The following IQCM variants were observed in gnomAD, a reference collection of about 807,000 sequenced individuals.
IQCM encodes the protein IQ motif containing M.
IQCM carries 45 observed loss-of-function variants against 57.6 expected under a neutral mutation model. The observed-to-expected ratio is 0.78, with a 90% confidence interval of 0.62 to 1.00. IQCM has a LOEUF of 1.00. IQCM is among the 50% of genes least tolerant of loss of function. The pLI is 0.00. For missense variants in IQCM, 468 were observed against 511.6 expected, an observed-to-expected ratio of 0.91 and a Z score of 0.82; for synonymous variants, 148 against 158.9, an observed-to-expected ratio of 0.93 and a Z score of 0.51.
At chr4:149,496,761 A>C (rs1032531709) in intron 12 of IQCM, among the ~76,000 whole-genome samples, 2 of 152,156 alleles carry the variant, frequency 1.3e-5, no homozygotes, top group African/African-American at 4.8e-5. Flanking sequence ...CATCAATAAG[A>C]AGCTAATAAA....
rs1022994554 is a variant in IQCM at position 149,594,001 on chromosome 4, T to G, written c.682-6004A>C. ...TGAGTTAGGGAGGATTCCCTCTTTT[T>G]CTATTGATTGGAATCGTTTCAGAAG... On this transcript the variant is annotated intron_variant, in intron 8 of 13. Transcript: ENST00000636793. Among the ~76,000 whole-genome samples, 8 of 152,214 alleles carry G rather than the reference T, an allele frequency of 5.3e-5. 1 individual carries two copies. Among genetic ancestry groups the G allele is most frequent in the Non-Finnish European group, 7.3e-5 (5 of 68,048 alleles).
intron 8 of IQCM, among the ~76,000 whole-genome samples, chr4:149,602,710 TTAA>T (rs1214349233): frequency 6.6e-6 from 1 of 152,100 alleles, no homozygotes. Context: ...TTTAAATAAC[TTAA>T]TAAAGTTAAT....
At chr4:149,812,675 C>T (rs951317451) in intron 2 of IQCM, among the ~76,000 whole-genome samples, 6 of 152,042 alleles carry the variant, frequency 3.9e-5, no homozygotes, top group South Asian at 2.1e-4. Flanking sequence ...TTAGGTTTGA[C>T]GTGATTAGGA....
rs1319803974 is a variant in IQCM at position 149,442,947 on chromosome 4, CACACACAGAGAG to C, written c.1229-9402_1229-9391del. The stretch of plus-strand genomic sequence containing the variant: ...CAATACACACACACACACACACACA[CACACACAGAGAG>C]AGAGAGAGAGAGAGAGAGAGAGAGA... On this transcript the variant is annotated intron_variant, in intron 12 of 13. Coordinates refer to ENST00000636793, the MANE Select transcript of IQCM (RefSeq NM_001363507.2). Among the ~76,000 whole-genome samples the C allele has an allele frequency of 3.4e-4, 18 of 52,572 alleles. No individual in the cohort carries two copies. The South Asian group carries it at 3.5e-3, about 10-fold the overall frequency. 34.5% of individuals were successfully genotyped at this position (52,572 alleles called of 152,430 possible).
intron 5 of IQCM, among the ~76,000 whole-genome samples, chr4:149,694,964 T>G (rs930195859): frequency 6.6e-6 from 1 of 152,236 alleles, no homozygotes; most frequent in Admixed American, 6.5e-5. Flanking sequence ...TAATTTCATA[T>G]GAATTATAAT....
intron 7 of IQCM, among the ~76,000 whole-genome samples, chr4:149,671,849 G>T (rs1761316486): frequency 1.3e-5 from 2 of 152,138 alleles, no homozygotes; most frequent in African/African-American, 2.4e-5. Flanking sequence ...GAGACAGTTT[G>T]TTATAATTTC....
At chr4:149,565,204 C>T (rs1313272529) in intron 9 of IQCM, among the ~76,000 whole-genome samples, 4 of 152,222 alleles carry the variant, frequency 2.6e-5, no homozygotes, top group Admixed American at 2.6e-4. Context: ...GAATCCCAGA[C>T]CCAAGTTTCT....
At chr4:149,548,311 A>G in intron 12 of IQCM, 144 bp downstream of exon 12, 1 of 567,918 alleles carries the variant, frequency 1.8e-6, no homozygotes, top group Non-Finnish European at 2.6e-6. Flanking sequence ...AAGAAATTTG[A>G]GGGAAAGCAC....
intron 12 of IQCM, among the ~76,000 whole-genome samples, chr4:149,502,704 CA>C (rs974404811): frequency 2.4e-4 from 36 of 151,910 alleles, no homozygotes; most frequent in African/African-American, 8.7e-4. Flanking sequence ...CAACAACAAA[CA>C]AACAAACAAA....
At chr4:149,465,271 T>G (rs975437793) in intron 12 of IQCM, among the ~76,000 whole-genome samples, 3 of 152,200 alleles carry the variant, frequency 2.0e-5, no homozygotes, top group Non-Finnish European at 4.4e-5. Context: ...GATATGTAGC[T>G]GGACAAGCAT....
In IQCM at chr4:149,669,708, T is replaced by C. The variant is rs1381540016; in HGVS notation, c.565+12410A>G. ...CTTTCTACATATGGCTAGCCGGTTT[T>C]CCCAGCACCATTTATTAAATAGGGA... On this transcript the variant is annotated intron_variant, in intron 7 of 13. Transcript: ENST00000636793. Among the ~76,000 whole-genome samples, 3 of 152,198 alleles carry C rather than the reference T, an allele frequency of 2.0e-5. No homozygotes were observed. The South Asian group carries it at 6.2e-4, about 31-fold the overall frequency.
At chr4:149,494,019 T>C (rs1321593904) in intron 12 of IQCM, among the ~76,000 whole-genome samples, 7 of 152,040 alleles carry the variant, frequency 4.6e-5, no homozygotes, top group African/African-American at 1.4e-4. Context: ...CATGTGGCTC[T>C]GTCAAGATAC....
intron 7 of IQCM, among the ~76,000 whole-genome samples, chr4:149,673,358 G>A (rs911898689): frequency 6.6e-6 from 1 of 151,984 alleles, no homozygotes; most frequent in Non-Finnish European, 1.5e-5. Flanking sequence ...ATCCATCAGT[G>A]TGCTGTATTC....
intron 2 of IQCM, among the ~76,000 whole-genome samples, chr4:149,772,946 T>C (rs987035956): frequency 6.6e-6 from 1 of 152,174 alleles, no homozygotes; most frequent in Non-Finnish European, 1.5e-5. Context: ...GCCTGTTGTA[T>C]AAAGAACTCT....
chr4:149,688,707 T>C (rs970109312), intron 5 of IQCM, among the ~76,000 whole-genome samples: 2 of 151,964 alleles, frequency 1.3e-5, no homozygotes. Flanking sequence ...CAAACTATAC[T>C]ATAAGGCCAT....
intron 2 of IQCM, among the ~76,000 whole-genome samples, chr4:149,755,633 T>C (rs6819414): frequency 0.85 from 128,935 of 152,142 alleles, 54,837 homozygotes; most frequent in East Asian, 0.99. Flanking sequence ...ATTTATTTTC[T>C]TCTTTACACT....
At chr4:149,566,217 T>C (rs558962505) in intron 9 of IQCM, among the ~76,000 whole-genome samples, 4 of 152,300 alleles carry the variant, frequency 2.6e-5, no homozygotes, top group South Asian at 2.1e-4. Flanking sequence ...AGATCTACTA[T>C]GAAATCTAAG....
chr4:149,527,116 T>C (rs1286339056), intron 12 of IQCM, among the ~76,000 whole-genome samples: 1 of 152,196 alleles, frequency 6.6e-6, no homozygotes, highest in African/African-American at 2.4e-5. Context: ...AAAAATATCA[T>C]GATTATCGTT....
rs756153445 is a variant in IQCM, at chr4:149,705,506, C to T, written c.386-19038G>A. ...GTAGGTATCTCTCTCCATTACAGCA[C>T]GACTTGAGTTGGCATACCTTTTATA... is the stretch of plus-strand genomic sequence containing the variant. On this transcript the variant is annotated intron_variant, in intron 5 of 13. Coordinates refer to ENST00000636793, the MANE Select transcript of IQCM (RefSeq NM_001363507.2). 1.5e-3 allele frequency among the ~76,000 whole-genome samples: 232 copies of T among 151,754 alleles called. 1 individual carries two copies. Among genetic ancestry groups the T allele is most frequent in the African/African-American group, 5.2e-3 (216 of 41,466 alleles).
Sources: allele counts gnomAD v4.1 joint callset (sites outside exome capture counted in the v4.1 genomes callset), GRCh38; gene constraint gnomAD v4.1.1; transcripts MANE v1.5; gene names NCBI Gene and HGNC (gene_info 2026-07-23, HGNC 2026-07-21).